Variants in TRIM59 observed in about 807,000 individuals in gnomAD.
The protein encoded by TRIM59 is tripartite motif-containing protein 59.
TRIM59 carries 14 observed loss-of-function variants against 32.2 expected under a neutral mutation model. That is an observed-to-expected ratio of 0.43 (90% CI 0.29 to 0.68). The LOEUF is 0.68. Among genes scored for constraint, TRIM59 ranks in the 30% least tolerant of loss-of-function variants. The pLI, the probability that TRIM59 is intolerant of heterozygous loss-of-function variation, is 0.15. For synonymous variants in TRIM59, 163 were observed against 155.1 expected (o/e 1.05, Z -0.38); for missense variants, 471 against 463.3 (o/e 1.02, Z -0.15).
Position 160,438,012 on chromosome 3 carries a change from TAGAAAA to T in TRIM59, c.1166_1171del (p.Ile389_Tyr391delinsAsn). ...TTTCCACACAAATTCCTTCAACAAA[TAGAAAA>T]TGTGACACAGTATATTCTTTACCTT... On this transcript the variant is annotated inframe_deletion, in exon 3 of 3. Coordinates refer to ENST00000309784, the MANE Select transcript of TRIM59 (RefSeq NM_173084.3). 6.4e-7 allele frequency: 1 copy of T among 1,561,066 alleles called. No homozygotes were observed. The highest frequency in any genetic ancestry group is 8.6e-7 in the Non-Finnish European group (1 of 1,160,388).
chr3:160,435,902 G>A lies in TRIM59; in HGVS notation c.*2070C>T, dbSNP rs200962955. 1 of 1,251,508 alleles carries A rather than the reference G, an allele frequency of 8.0e-7. No homozygotes were observed. Among genetic ancestry groups the A allele is most frequent in the Non-Finnish European group, 1.0e-6 (1 of 958,078 alleles). 77.5% of individuals were successfully genotyped at this position (1,251,508 alleles called of 1,614,324 possible). A position where few individuals can be genotyped will look rare whatever the true frequency, so the allele number is the denominator to read the frequency against. ...TTGTCAGTTCCCTCATCTACAAAAAGGGGGTTAAAAATATTCACATCACAG... is the reference window on the plus strand; with the variant it reads ...TTGTCAGTTCCCTCATCTACAAAAAAGGGGTTAAAAATATTCACATCACAG... On this transcript the variant is annotated 3_prime_UTR_variant, in exon 3 of 3. Transcript: ENST00000309784.
chr3:160,440,683 G>A (rs1198139978), intron 2 of TRIM59, among the ~76,000 whole-genome samples: 7 of 152,014 alleles, frequency 4.6e-5, no homozygotes, highest in African/African-American at 7.2e-5. Context: ...AGGCCGAGGC[G>A]GGCGGATCAC....
At position 160,435,784 on chromosome 3, in the gene TRIM59, A is replaced by G; in HGVS notation, c.*2188T>C. ...CAGATTACAAACCCTTACCAACATT[A>G]ATCTTGGCCTACTTTAAAGTTGAGT... On this transcript the variant is annotated 3_prime_UTR_variant, in exon 3 of 3. Transcript: ENST00000309784. 2.2e-6 allele frequency: 1 copy of G among 447,888 alleles called. No homozygotes were observed. Among genetic ancestry groups the G allele is most frequent in the South Asian group, 1.7e-5 (1 of 58,940 alleles). The allele number at this position is 447,888 out of a possible 1,614,324, so 27.7% of individuals were successfully genotyped here.
At chr3:160,442,352 C>T (rs1032746410) in intron 2 of TRIM59, among the ~76,000 whole-genome samples, 3 of 152,098 alleles carry the variant, frequency 2.0e-5, no homozygotes, top group Admixed American at 2.0e-4. Context: ...CAGGCCAAAG[C>T]AGGTGGATCA....
In TRIM59 at chr3:160,438,931, TTTCAA is replaced by T; in HGVS notation, c.248_252del (p.Ile83LysfsTer15). Reference sequence around the variant, plus strand: ...TCTGGATGGTCTTCTTGCTGGTACTTTTCAATAATAGCCCTTAGTGCAAAATTAAC... The same window carrying T: ...TCTGGATGGTCTTCTTGCTGGTACTTTAATAGCCCTTAGTGCAAAATTAAC... On this transcript the variant is annotated frameshift_variant, in exon 3 of 3. Coordinates refer to ENST00000309784, the MANE Select transcript of TRIM59 (RefSeq NM_173084.3). LOFTEE classifies it high-confidence loss of function. 7 of 1,614,146 alleles carry T rather than the reference TTTCAA, an allele frequency of 4.3e-6. No individual in the cohort carries two copies. Among genetic ancestry groups the T allele is most frequent in the Non-Finnish European group, 5.9e-6 (7 of 1,179,996 alleles).
chr3:160,448,789 T>C lies in TRIM59; in HGVS notation c.-67A>G, dbSNP rs1285077951. 7.9e-7 allele frequency: 1 copy of C among 1,261,170 alleles called. No homozygotes were observed. The highest frequency in any genetic ancestry group is 1.6e-5 in the African/African-American group (1 of 64,446). 78.1% of individuals were successfully genotyped at this position (1,261,170 alleles called of 1,614,324 possible). ...CTCCAACTCCTCCAGAATCTTTTATTCTTATTCTAAAATTAAAATAATGTT... is the reference window on the plus strand; with the variant it reads ...CTCCAACTCCTCCAGAATCTTTTATCCTTATTCTAAAATTAAAATAATGTT... On this transcript the variant is annotated 5_prime_UTR_variant, in exon 2 of 3. Transcript: ENST00000309784.
Position 160,435,836 on chromosome 3 carries a change from G to T in TRIM59, c.*2136C>A. 3.0e-6 allele frequency: 2 copies of T among 668,048 alleles called. No homozygotes were observed. Among genetic ancestry groups the T allele is most frequent in the Non-Finnish European group, 4.7e-6 (2 of 422,704 alleles). The allele number at this position is 668,048 out of a possible 1,614,324, so 41.4% of individuals were successfully genotyped here. On this transcript the variant is annotated 3_prime_UTR_variant, in exon 3 of 3. Coordinates refer to ENST00000309784, the MANE Select transcript of TRIM59 (RefSeq NM_173084.3). The stretch of plus-strand genomic sequence containing the variant: ...ATAGCATGAACTCTGAAAAGAGAAT[G>T]CATGGGTTTTCTCACAGCTATATGG...
chr3:160,448,144 T>C (rs1234361719), intron 2 of TRIM59, among the ~76,000 whole-genome samples: 1 of 152,108 alleles, frequency 6.6e-6, no homozygotes, highest in Non-Finnish European at 1.5e-5. Flanking sequence ...AAATAAAAAC[T>C]AGAAACAAAA....
Position 160,438,880 on chromosome 3 carries a change from T to C in TRIM59, c.304A>G (p.Arg102Gly), listed in dbSNP as rs745396850. The C allele has an allele frequency of 6.2e-7, 1 of 1,614,048 alleles. No homozygotes were observed. Among genetic ancestry groups the C allele is most frequent in the South Asian group, 1.1e-5 (1 of 91,078 alleles). ...PDIVTCPEHYRQPLNVYCLLD... is the reference protein window; with the variant it reads ...PDIVTCPEHYGQPLNVYCLLD... The stretch of plus-strand genomic sequence containing the variant: ...AGACAGTAAACATTTAATGGTTGCC[T>C]GTAATGTTCAGGGCAGGTGACAATA... Residue 102 changes from arginine (R) to glycine (G), a missense_variant, in exon 3 of 3, where the codon AGG (arginine) becomes GGG (glycine). Arg to Gly is a moderately radical substitution (Grantham distance 125, BLOSUM62 -2). Transcript: ENST00000309784.
intron 2 of TRIM59, among the ~76,000 whole-genome samples, chr3:160,441,671 G>A (rs113652363): frequency 1.3e-4 from 19 of 148,674 alleles, no homozygotes; most frequent in African/African-American, 4.2e-4. Flanking sequence ...GGAGAATGGC[G>A]TCAACCCGGG....
chr3:160,449,521 T>A, intron 1 of TRIM59, 196 bp downstream of exon 1: 4 of 1,243,854 alleles, frequency 3.2e-6, no homozygotes, highest in Non-Finnish European at 4.1e-6. Context: ...AGCTCCACAG[T>A]GGAGGGACGG....
At chr3:160,444,398 C>A (rs1265303863) in intron 2 of TRIM59, among the ~76,000 whole-genome samples, 1 of 152,102 alleles carries the variant, frequency 6.6e-6, no homozygotes, top group Non-Finnish European at 1.5e-5. Context: ...GAAATAAGAA[C>A]AATTCTACAA....
chr3:160,437,498 CTTATCACT>C lies in TRIM59; in HGVS notation c.*466_*473del, dbSNP rs1036620326. The C allele has an allele frequency of 1.0e-6, 1 of 985,400 alleles. No individual in the cohort carries two copies. The highest frequency in any genetic ancestry group is 1.7e-5 in the African/African-American group (1 of 57,226). The allele number at this position is 985,400 out of a possible 1,614,324, so 61.0% of individuals were successfully genotyped here. On this transcript the variant is annotated 3_prime_UTR_variant, in exon 3 of 3. Coordinates refer to ENST00000309784, the MANE Select transcript of TRIM59 (RefSeq NM_173084.3). ...TGATCAAAAGATCTTTAAGCCATGC[CTTATCACT>C]TTAAGACTTTGTTGCTTGATTTTGA...
Position 160,437,817 on chromosome 3 carries a change from A to G in TRIM59, c.*155T>C, listed in dbSNP as rs763399002. ...TGACTATTTCAGATATAACTTTGACATATCATTGCTAACCAAAAGAAGCAA... is the reference window on the plus strand; with the variant it reads ...TGACTATTTCAGATATAACTTTGACGTATCATTGCTAACCAAAAGAAGCAA... On this transcript the variant is annotated 3_prime_UTR_variant, in exon 3 of 3. Coordinates refer to ENST00000309784, the MANE Select transcript of TRIM59 (RefSeq NM_173084.3). The G allele has an allele frequency of 3.1e-5, 39 of 1,272,946 alleles. No individual in the cohort carries two copies. The highest frequency in any genetic ancestry group is 6.1e-5 in the East Asian group (2 of 33,018). 78.9% of individuals were successfully genotyped at this position (1,272,946 alleles called of 1,614,324 possible).
At chr3:160,439,603 C>G (rs1048961901) in intron 2 of TRIM59, among the ~76,000 whole-genome samples, 4 of 152,100 alleles carry the variant, frequency 2.6e-5, no homozygotes, top group African/African-American at 9.7e-5. Flanking sequence ...CCATACTGTT[C>G]TTGTAGTATC....
At position 160,449,743 on chromosome 3, in the gene TRIM59, T is replaced by C. The variant is rs1226654580; in HGVS notation, c.-100A>G. On this transcript the variant is annotated 5_prime_UTR_variant, in exon 1 of 3. Coordinates refer to ENST00000309784, the MANE Select transcript of TRIM59 (RefSeq NM_173084.3). ...GCGGGGAGGAAGCGGACCAGGCAACTCCACAGCACGGAAACACAGCGCCAC... is the reference window on the plus strand; with the variant it reads ...GCGGGGAGGAAGCGGACCAGGCAACCCCACAGCACGGAAACACAGCGCCAC... The C allele has an allele frequency of 1.2e-5, 16 of 1,289,428 alleles. No individual in the cohort carries two copies. The Admixed American group carries it at 1.6e-4, about 13-fold the overall frequency. 79.9% of individuals were successfully genotyped at this position (1,289,428 alleles called of 1,614,324 possible).
rs1436704416 is a variant in TRIM59 at position 160,436,773 on chromosome 3, G to A, written c.*1199C>T. 4.5e-5 allele frequency: 38 copies of A among 846,098 alleles called. No homozygotes were observed. The highest frequency in any genetic ancestry group is 4.7e-5 in the Non-Finnish European group (34 of 715,872). 52.4% of individuals were successfully genotyped at this position (846,098 alleles called of 1,614,324 possible). On this transcript the variant is annotated 3_prime_UTR_variant, in exon 3 of 3. Coordinates refer to ENST00000309784, the MANE Select transcript of TRIM59 (RefSeq NM_173084.3). ...AGATCACGCCACTGCACTCCAGCCT[G>A]GGCGACAGAGCAAGACTCCGTCTCA...
chr3:160,448,577 C>T (rs953932609), intron 2 of TRIM59, 149 bp downstream of exon 2: 2 of 384,950 alleles, frequency 5.2e-6, no homozygotes, highest in Non-Finnish European at 9.4e-6. Context: ...CTTTATGCTC[C>T]GCTCCTTCGA....
chr3:160,435,954 A>G lies in TRIM59; in HGVS notation c.*2018T>C, dbSNP rs1718919530. 7.8e-7 allele frequency: 1 copy of G among 1,281,966 alleles called. No individual in the cohort carries two copies. Among genetic ancestry groups the G allele is most frequent in the South Asian group, 1.3e-5 (1 of 79,288 alleles). The allele number at this position is 1,281,966 out of a possible 1,614,324, so 79.4% of individuals were successfully genotyped here. On this transcript the variant is annotated 3_prime_UTR_variant, in exon 3 of 3. Transcript: ENST00000309784. The stretch of plus-strand genomic sequence containing the variant: ...AATGAGATTAAGTAGTTTAACACAT[A>G]ATGGCTAACATTTCATTGCTTACGT...
Sources: gnomAD v4.1 joint callset for allele counts (sites outside exome capture counted in the v4.1 genomes callset) on GRCh38, gnomAD v4.1.1 for gene constraint, MANE v1.5 for transcripts, NCBI Gene and HGNC (gene_info 2026-07-23, HGNC 2026-07-21) for gene names.